The following SLC4A4 variants were observed in gnomAD, a reference collection of about 807,000 sequenced individuals.
The protein encoded by SLC4A4 is electrogenic sodium bicarbonate cotransporter 1.
SLC4A4 carries 27 observed loss-of-function variants against 111.5 expected under a neutral mutation model. The ratio of observed to expected loss-of-function variants is 0.24; its 90% confidence interval spans 0.18 to 0.33. The LOEUF (loss-of-function observed/expected upper bound fraction) is 0.33. Ranked by LOEUF, SLC4A4 falls within the 10% of genes least tolerant of loss-of-function variation. The pLI, the probability that SLC4A4 is intolerant of heterozygous loss-of-function variation, is 1.00. For missense variants in SLC4A4, 909 were observed against 1,315.5 expected (o/e 0.69, Z 4.78); for synonymous variants, 443 against 463.4 (o/e 0.96, Z 0.57).
At chr4:71,354,634 C>A (rs892782903) in intron 5 of SLC4A4, among the ~76,000 whole-genome samples, 2 of 152,010 alleles carry the variant, frequency 1.3e-5, no homozygotes, top group Non-Finnish European at 2.9e-5. Context: ...ATTCTTCTGT[C>A]ACATGGCCAT....
intron 1 of SLC4A4, among the ~76,000 whole-genome samples, chr4:71,068,061 C>CT (rs138059694): frequency 0.72 from 94,986 of 132,074 alleles, 34,930 homozygotes; most frequent in East Asian, 0.82. Flanking sequence ...TTTGAACAAA[C>CT]GTTTTTTTTT....
intron 7 of SLC4A4, among the ~76,000 whole-genome samples, chr4:71,407,317 T>C (rs1720950850): frequency 6.6e-6 from 1 of 152,192 alleles, no homozygotes; most frequent in Admixed American, 6.5e-5. Flanking sequence ...TACTCAATGT[T>C]ATGTGCTGAT....
At chr4:71,305,034 A>G (rs1560394315) in intron 3 of SLC4A4, among the ~76,000 whole-genome samples, 1 of 152,228 alleles carries the variant, frequency 6.6e-6, no homozygotes, top group Non-Finnish European at 1.5e-5. Context: ...ATATCAATAC[A>G]TATTTGTTGA....
intron 3 of SLC4A4, among the ~76,000 whole-genome samples, chr4:71,314,735 G>C (rs1236058066): frequency 1.3e-5 from 2 of 152,130 alleles, no homozygotes; most frequent in African/African-American, 4.8e-5. Flanking sequence ...CATGGATGCA[G>C]GGAGTGGAAC....
intron 5 of SLC4A4, among the ~76,000 whole-genome samples, chr4:71,351,805 G>A (rs1729870499): frequency 6.6e-6 from 1 of 152,186 alleles, no homozygotes; most frequent in South Asian, 2.1e-4. Context: ...TCTACAATGT[G>A]CCAGACACTG....
intron 2 of SLC4A4, among the ~76,000 whole-genome samples, chr4:71,170,219 G>A (rs1167941444): frequency 6.6e-6 from 1 of 152,012 alleles, no homozygotes; most frequent in Non-Finnish European, 1.5e-5. Flanking sequence ...TTGTTTACTT[G>A]TTTACTGCCT....
chr4:71,385,409 G>T (rs192770680), intron 6 of SLC4A4, among the ~76,000 whole-genome samples: 1 of 151,342 alleles, frequency 6.6e-6, no homozygotes, highest in East Asian at 1.9e-4. Flanking sequence ...TGTTGATCAG[G>T]CTGCTCTCGA....
chr4:71,404,824 C>T (rs1271105438), intron 7 of SLC4A4, among the ~76,000 whole-genome samples: 1 of 151,818 alleles, frequency 6.6e-6, no homozygotes, highest in East Asian at 1.9e-4. Flanking sequence ...GAGACAGAGT[C>T]TCACTCTGTT....
chr4:71,260,408 C>G (rs750114526), intron 3 of SLC4A4, among the ~76,000 whole-genome samples: 9 of 151,986 alleles, frequency 5.9e-5, no homozygotes, highest in Admixed American at 3.3e-4. Context: ...TTTCTACATG[C>G]CATTGGTATT....
intron 2 of SLC4A4, among the ~76,000 whole-genome samples, chr4:71,102,051 A>G (rs894547963): frequency 5.9e-5 from 9 of 151,674 alleles, no homozygotes; most frequent in African/African-American, 1.9e-4. Context: ...TATAACTAGA[A>G]TAACCAATAC....
chr4:71,465,727 G>C (rs944545381), intron 12 of SLC4A4, among the ~76,000 whole-genome samples: 1 of 151,798 alleles, frequency 6.6e-6, no homozygotes, highest in Non-Finnish European at 1.5e-5. Flanking sequence ...TTATTCTAAA[G>C]GAAAATGATG....
At chr4:71,533,975 T>C (rs1385986242) in intron 17 of SLC4A4, among the ~76,000 whole-genome samples, 1 of 152,106 alleles carries the variant, frequency 6.6e-6, no homozygotes, top group Non-Finnish European at 1.5e-5. Flanking sequence ...CCATCCCAAA[T>C]ATGCAAAATG....
rs543557650 is a variant in SLC4A4, at chr4:71,279,083, T to G, written c.253+23684T>G. ...CATGTAGTTATCATTTTTTGTGTGA[T>G]GAGAACACTTAAGATCTATTCTTTT... On this transcript the variant is annotated intron_variant, in intron 3 of 25. Transcript: ENST00000264485. Among the ~76,000 whole-genome samples, 9 of 152,350 alleles carry G rather than the reference T, an allele frequency of 5.9e-5. No homozygotes were observed. In the South Asian group the frequency reaches 1.5e-3, roughly 25 times the overall value.
chr4:71,108,365 G>A (rs1035872870), intron 2 of SLC4A4, among the ~76,000 whole-genome samples: 7 of 152,162 alleles, frequency 4.6e-5, no homozygotes, highest in African/African-American at 1.7e-4. Flanking sequence ...ATCTGAGAAT[G>A]CCTTAGTTTC....
At chr4:71,250,796 G>C (rs531946300) in intron 2 of SLC4A4, among the ~76,000 whole-genome samples, 8 of 152,274 alleles carry the variant, frequency 5.3e-5, no homozygotes, top group Non-Finnish European at 8.8e-5. Flanking sequence ...TCAAAGTAGT[G>C]ATGAAGCACT....
intron 2 of SLC4A4, among the ~76,000 whole-genome samples, chr4:71,122,717 C>T (rs1308436618): frequency 3.3e-5 from 5 of 152,202 alleles, no homozygotes; most frequent in Non-Finnish European, 4.4e-5. Context: ...CAGGCTTCCA[C>T]ATGCTGGCCG....
intron 2 of SLC4A4, among the ~76,000 whole-genome samples, chr4:71,252,917 G>T (rs1272851660): frequency 6.6e-6 from 1 of 152,118 alleles, no homozygotes; most frequent in Non-Finnish European, 1.5e-5. Context: ...CCCAGTAAAG[G>T]TGATTTTAAA....
At chr4:71,096,023 G>A (rs369434736) in intron 2 of SLC4A4, among the ~76,000 whole-genome samples, 7 of 152,094 alleles carry the variant, frequency 4.6e-5, no homozygotes, top group African/African-American at 1.7e-4. Flanking sequence ...AAGGCCTGGA[G>A]GATTTTTGTC....
At chr4:71,139,199 G>GTT (rs1211141584) in intron 2 of SLC4A4, among the ~76,000 whole-genome samples, 1 of 151,574 alleles carries the variant, frequency 6.6e-6, no homozygotes, top group South Asian at 2.1e-4. Flanking sequence ...GTGTGTGTGT[G>GTT]TGTGTGTGTG....
Sources: allele counts gnomAD v4.1 joint callset (sites outside exome capture counted in the v4.1 genomes callset), GRCh38; gene constraint gnomAD v4.1.1; transcripts MANE v1.5; gene names NCBI Gene and HGNC (gene_info 2026-07-23, HGNC 2026-07-21).